Variants in CAMKMT observed in about 807,000 individuals in gnomAD.
CAMKMT encodes the protein calmodulin-lysine N-methyltransferase.
A neutral mutation model predicts 48.0 loss-of-function variants in CAMKMT; 53 were observed. That is an observed-to-expected ratio of 1.10 (90% CI 0.89 to 1.39). CAMKMT has a LOEUF of 1.39. Among genes scored for constraint, CAMKMT ranks in the 40% most tolerant of loss-of-function variants. CAMKMT has a pLI of 0.00. For synonymous variants in CAMKMT, 165 were observed against 152.3 expected (o/e 1.08, Z -0.61); for missense variants, 428 against 402.7 (o/e 1.06, Z -0.54).
At chr2:44,599,618 A>G (rs1231145578) in intron 3 of CAMKMT, among the ~76,000 whole-genome samples, 1 of 152,082 alleles carries the variant, frequency 6.6e-6, no homozygotes, top group Non-Finnish European at 1.5e-5. Context: ...TCTTAAATAA[A>G]AGAAACCACA....
At chr2:44,663,162 G>A (rs992224661) in intron 3 of CAMKMT, among the ~76,000 whole-genome samples, 2 of 152,140 alleles carry the variant, frequency 1.3e-5, no homozygotes, top group Admixed American at 6.5e-5. Context: ...TCTAATCCAT[G>A]ATCCACACTC....
At position 44,623,649 on chromosome 2, in the gene CAMKMT, T is replaced by C. The variant is rs112832117; in HGVS notation, c.377-80634T>C. Among the ~76,000 whole-genome samples, 311 of 152,312 alleles carry C rather than the reference T, an allele frequency of 2.0e-3. 1 individual carries two copies. The Middle Eastern group carries it at 0.024, about 12-fold the overall frequency. ...TCAGATGGTTGTAGATGTGTGGCTT[T>C]ATCTCTGTGTTCTTTATTCTGTTCC... On this transcript the variant is annotated intron_variant, in intron 3 of 10. Transcript: ENST00000378494.
At chr2:44,705,788 G>T (rs988599603) in intron 4 of CAMKMT, among the ~76,000 whole-genome samples, 1 of 152,104 alleles carries the variant, frequency 6.6e-6, no homozygotes, top group African/African-American at 2.4e-5. Context: ...GTTTGTTTAA[G>T]AATTTTTTTT....
chr2:44,591,169 G>C (rs11613577), intron 3 of CAMKMT, among the ~76,000 whole-genome samples: 3,501 of 150,008 alleles, frequency 0.023, 108 homozygotes, highest in African/African-American at 0.075. Context: ...TTGTAGTATA[G>C]TTTGAAGTCA....
rs546238510 is a variant in CAMKMT at position 44,384,008 on chromosome 2, A to G, written c.312-6233A>G. 4.6e-5 allele frequency among the ~76,000 whole-genome samples: 7 copies of G among 152,294 alleles called. No homozygotes were observed. The East Asian group carries it at 1.4e-3, about 29-fold the overall frequency. ...AGATACCAAGTAGTGGGATTGCTGG[A>G]CCAAATGGTAGTTCTACTTTTAGTT... On this transcript the variant is annotated intron_variant, in intron 2 of 10. Transcript: ENST00000378494.
intron 3 of CAMKMT, among the ~76,000 whole-genome samples, chr2:44,458,956 C>G (rs1024036330): frequency 2.6e-5 from 4 of 151,988 alleles, no homozygotes; most frequent in African/African-American, 9.7e-5. Flanking sequence ...AAAAATAAGA[C>G]AAGTAGGCAA....
intron 3 of CAMKMT, among the ~76,000 whole-genome samples, chr2:44,399,309 T>A (rs1316144719): frequency 1.3e-5 from 2 of 152,206 alleles, no homozygotes; most frequent in Non-Finnish European, 2.9e-5. Flanking sequence ...GACTTTGTTT[T>A]TATTTTAATA....
intron 8 of CAMKMT, among the ~76,000 whole-genome samples, chr2:44,745,189 G>A (rs1679867263): frequency 6.6e-6 from 1 of 152,172 alleles, no homozygotes; most frequent in Non-Finnish European, 1.5e-5. Context: ...CTTTAGACAA[G>A]GGTCACACGT....
intron 3 of CAMKMT, among the ~76,000 whole-genome samples, chr2:44,478,378 G>C (rs995890941): frequency 6.6e-6 from 1 of 152,028 alleles, no homozygotes; most frequent in Admixed American, 6.6e-5. Flanking sequence ...TCAGTTGATG[G>C]CATGTCTACA....
intron 3 of CAMKMT, among the ~76,000 whole-genome samples, chr2:44,463,945 CA>C (rs1667976981): frequency 6.6e-6 from 1 of 152,034 alleles, no homozygotes; most frequent in African/African-American, 2.4e-5. Context: ...CACAAAGAAA[CA>C]GGGAAATCAG....
intron 3 of CAMKMT, among the ~76,000 whole-genome samples, chr2:44,589,925 A>T (rs1014525740): frequency 5.0e-4 from 14 of 28,060 alleles, no homozygotes; most frequent in Non-Finnish European, 8.0e-4. Flanking sequence ...AAAAAAAAAA[A>T]TTTTAATTTC....
intron 3 of CAMKMT, among the ~76,000 whole-genome samples, chr2:44,533,740 A>G (rs1411819710): frequency 1.3e-5 from 2 of 152,212 alleles, no homozygotes; most frequent in African/African-American, 4.8e-5. Context: ...GCAAACACAC[A>G]AATGAGGAAG....
chr2:44,367,382 G>A (rs759030354), intron 1 of CAMKMT, among the ~76,000 whole-genome samples: 3 of 152,086 alleles, frequency 2.0e-5, no homozygotes, highest in South Asian at 2.1e-4. Flanking sequence ...GTGACAAGTC[G>A]CAATTAAAAT....
chr2:44,544,260 T>C (rs1453371056), intron 3 of CAMKMT, among the ~76,000 whole-genome samples: 2 of 152,196 alleles, frequency 1.3e-5, no homozygotes, highest in Non-Finnish European at 2.9e-5. Context: ...TAGCAATTAA[T>C]GCCAAGGGTT....
At chr2:44,611,467 A>G (rs1429607756) in intron 3 of CAMKMT, among the ~76,000 whole-genome samples, 1 of 151,950 alleles carries the variant, frequency 6.6e-6, no homozygotes, top group Non-Finnish European at 1.5e-5. Context: ...CTACCCAGAT[A>G]CTTTTAGGAG....
chr2:44,690,959 A>C (rs1334404297), intron 3 of CAMKMT, among the ~76,000 whole-genome samples: 3 of 151,950 alleles, frequency 2.0e-5, no homozygotes, highest in Non-Finnish European at 4.4e-5. Flanking sequence ...CTGGGCAACA[A>C]AGTGAGACTC....
chr2:44,423,850 T>C (rs754607737), intron 3 of CAMKMT, among the ~76,000 whole-genome samples: 6 of 152,224 alleles, frequency 3.9e-5, no homozygotes, highest in Non-Finnish European at 5.9e-5. Context: ...TTTTTAACTT[T>C]TCTAAGTAGT....
At chr2:44,399,159 C>T (rs941310998) in intron 3 of CAMKMT, among the ~76,000 whole-genome samples, 3 of 152,104 alleles carry the variant, frequency 2.0e-5, no homozygotes, top group East Asian at 1.9e-4. Flanking sequence ...ATTCATAGTT[C>T]GTCTTAAGCC....
chr2:44,603,063 T>TAC (rs1173406991), intron 3 of CAMKMT, among the ~76,000 whole-genome samples: 7 of 151,662 alleles, frequency 4.6e-5, no homozygotes, highest in East Asian at 1.9e-4. Context: ...CATATATAGA[T>TAC]ACACACACAT....
Sources: gnomAD v4.1 joint callset for allele counts (sites outside exome capture counted in the v4.1 genomes callset) on GRCh38, gnomAD v4.1.1 for gene constraint, MANE v1.5 for transcripts, NCBI Gene and HGNC (gene_info 2026-07-23, HGNC 2026-07-21) for gene names.